The following RCAN1 variants were observed in gnomAD, a reference collection of about 807,000 sequenced individuals.
The protein encoded by RCAN1 is calcipressin-1.
Under a neutral mutation model 22.9 loss-of-function variants are expected in RCAN1, and 11 were observed. The ratio of observed to expected loss-of-function variants is 0.48; its 90% confidence interval spans 0.30 to 0.79. The LOEUF is 0.79. RCAN1 is among the 30% of genes least tolerant of loss of function. RCAN1 has a pLI of 0.06. For synonymous variants in RCAN1, 136 were observed against 142.3 expected (o/e 0.96, Z 0.32); for missense variants, 291 against 337.8 (o/e 0.86, Z 1.09).
At chr21:34,609,244 G>A (rs1476176516) in intron 1 of RCAN1, among the ~76,000 whole-genome samples, 1 of 152,174 alleles carries the variant, frequency 6.6e-6, no homozygotes, top group African/African-American at 2.4e-5. Context: ...AGAGTGATCG[G>A]CTGTGTCTCA....
At chr21:34,567,723 G>T (rs1807151283) in intron 1 of RCAN1, among the ~76,000 whole-genome samples, 1 of 152,084 alleles carries the variant, frequency 6.6e-6, no homozygotes, top group Non-Finnish European at 1.5e-5. Context: ...AGGTGCCAAG[G>T]TTCTACCTAC....
rs183157248 is a variant in RCAN1 at position 34,591,865 on chromosome 21, G to A, written c.252+22895C>T. On this transcript the variant is annotated intron_variant, in intron 1 of 3. Coordinates refer to ENST00000313806, the MANE Select transcript of RCAN1 (RefSeq NM_004414.7). ...TCACATAGCAAACTACAACATGACCGGGATTTCAGCTCTAAAAAGTGCCAT... is the reference window on the plus strand; with the variant it reads ...TCACATAGCAAACTACAACATGACCAGGATTTCAGCTCTAAAAAGTGCCAT... Among the ~76,000 whole-genome samples the A allele has an allele frequency of 3.9e-5, 6 of 152,180 alleles. No individual in the cohort carries two copies. In the East Asian group the frequency reaches 9.7e-4, roughly 25 times the overall value.
intron 1 of RCAN1, among the ~76,000 whole-genome samples, chr21:34,592,607 C>T (rs902476612): frequency 1.4e-4 from 22 of 152,166 alleles, no homozygotes; most frequent in Non-Finnish European, 1.5e-5. Flanking sequence ...GTCTACATGC[C>T]TGCCTTTACT....
At chr21:34,604,717 G>A (rs1275775842) in intron 1 of RCAN1, among the ~76,000 whole-genome samples, 4 of 152,334 alleles carry the variant, frequency 2.6e-5, no homozygotes, top group Admixed American at 1.3e-4. Context: ...TGTGAGTTCC[G>A]TGAAGGGAGA....
chr21:34,604,681 G>A lies in RCAN1; in HGVS notation c.252+10079C>T, dbSNP rs561263026. 3.9e-5 allele frequency among the ~76,000 whole-genome samples: 6 copies of A among 152,310 alleles called. No homozygotes were observed. In the South Asian group the frequency reaches 1.2e-3, roughly 32 times the overall value. On this transcript the variant is annotated intron_variant, in intron 1 of 3. Transcript: ENST00000313806. ...GAAAACTCTGATTTACCTTATGAGG[G>A]TGTGGGGAATGACAGGCAAGTGGGC...
At chr21:34,603,206 A>T (rs1483551973) in intron 1 of RCAN1, among the ~76,000 whole-genome samples, 1 of 152,202 alleles carries the variant, frequency 6.6e-6, no homozygotes, top group Non-Finnish European at 1.5e-5. Flanking sequence ...TGCAGCACAC[A>T]CATGAAGTTA....
At chr21:34,549,483 T>C (rs1276857101) in intron 1 of RCAN1, among the ~76,000 whole-genome samples, 3 of 152,200 alleles carry the variant, frequency 2.0e-5, no homozygotes, top group African/African-American at 7.2e-5. Context: ...AGGTGGTGAA[T>C]ACCGAGGATC....
intron 1 of RCAN1, among the ~76,000 whole-genome samples, chr21:34,532,294 T>C (rs1275911941): frequency 6.6e-6 from 1 of 152,146 alleles, no homozygotes; most frequent in Admixed American, 6.5e-5. Flanking sequence ...TATAAGGAAG[T>C]GCACAGGTGA....
intron 3 of RCAN1, among the ~76,000 whole-genome samples, chr21:34,520,112 G>A (rs1333080593): frequency 6.6e-6 from 1 of 152,196 alleles, no homozygotes; most frequent in Non-Finnish European, 1.5e-5. Context: ...TGGTTGAAAA[G>A]CACAGGTGAA....
intron 1 of RCAN1, among the ~76,000 whole-genome samples, chr21:34,564,609 A>G (rs1411456340): frequency 6.6e-6 from 1 of 152,198 alleles, no homozygotes; most frequent in Non-Finnish European, 1.5e-5. Flanking sequence ...TCACAACCAC[A>G]TGAAATGTGG....
intron 1 of RCAN1, among the ~76,000 whole-genome samples, chr21:34,588,343 G>T (rs1244055234): frequency 2.0e-5 from 3 of 152,164 alleles, no homozygotes; most frequent in Admixed American, 6.5e-5. Flanking sequence ...CATGAAGGAT[G>T]CTTCCAGGTG....
chr21:34,525,824 T>C (rs1985005231), intron 1 of RCAN1, among the ~76,000 whole-genome samples: 1 of 152,216 alleles, frequency 6.6e-6, no homozygotes, highest in African/African-American at 2.4e-5. Flanking sequence ...AAACATAGAA[T>C]GTGCTCTGCA....
intron 1 of RCAN1, among the ~76,000 whole-genome samples, chr21:34,613,627 G>C (rs1460479138): frequency 6.6e-6 from 1 of 152,232 alleles, no homozygotes; most frequent in Non-Finnish European, 1.5e-5. Context: ...AGTTTATATG[G>C]AGAGGAAAAG....
chr21:34,530,632 T>G (rs1429107204), intron 1 of RCAN1, among the ~76,000 whole-genome samples: 20 of 142,180 alleles, frequency 1.4e-4, no homozygotes, highest in Admixed American at 1.4e-4. Flanking sequence ...TTTTTTTTTT[T>G]TTTTTTTTTT....
intron 1 of RCAN1, chr21:34,613,644 G>A (rs1988738241): frequency 9.7e-6 from 10 of 1,030,466 alleles, no homozygotes; most frequent in Non-Finnish European, 1.3e-5. Context: ...AAAGGTTTTA[G>A]AGTAAGATCA....
chr21:34,577,948 A>C (rs1389337441), intron 1 of RCAN1, among the ~76,000 whole-genome samples: 1 of 152,222 alleles, frequency 6.6e-6, no homozygotes, highest in African/African-American at 2.4e-5. Flanking sequence ...AGCTTCGGAC[A>C]CAGTGTGAAA....
intron 1 of RCAN1, among the ~76,000 whole-genome samples, chr21:34,593,483 C>T (rs1988039025): frequency 6.6e-6 from 1 of 152,248 alleles, no homozygotes; most frequent in Admixed American, 6.5e-5. Context: ...CCTTTCACAA[C>T]ATTATGAAAC....
At chr21:34,577,327 G>A (rs1253478122) in intron 1 of RCAN1, among the ~76,000 whole-genome samples, 1 of 152,200 alleles carries the variant, frequency 6.6e-6, no homozygotes, top group African/African-American at 2.4e-5. Context: ...GCCAGTCATG[G>A]TGGCACGTGC....
intron 1 of RCAN1, among the ~76,000 whole-genome samples, chr21:34,552,218 T>C (rs941844545): frequency 6.6e-6 from 1 of 152,134 alleles, no homozygotes. Flanking sequence ...GTTTGGTATA[T>C]AGTGTCCAAG....
Sources: allele counts gnomAD v4.1 joint callset (sites outside exome capture counted in the v4.1 genomes callset), GRCh38; gene constraint gnomAD v4.1.1; transcripts MANE v1.5; gene names NCBI Gene and HGNC (gene_info 2026-07-23, HGNC 2026-07-21).